The following RP1L1 variants were observed in gnomAD, a reference collection of about 807,000 sequenced individuals.
RP1L1 encodes RP1 like 1.
A neutral mutation model predicts 15.7 loss-of-function variants in RP1L1; 27 were observed. The observed-to-expected ratio is 1.72, with a 90% confidence interval of 1.27 to 2.38. RP1L1 has a LOEUF of 2.38. RP1L1 is among the 30% of genes most tolerant of loss of function. The pLI is 0.00. For missense variants in RP1L1, 4,798 were observed against 3,075.9 expected, an observed-to-expected ratio of 1.56 and a Z score of -13.24; for synonymous variants, 1,813 against 1,276.7, an observed-to-expected ratio of 1.42 and a Z score of -8.96.
intron 2 of RP1L1, among the ~76,000 whole-genome samples, chr8:10,620,835 G>C (rs1482673486): frequency 9.2e-5 from 14 of 152,160 alleles, no homozygotes; most frequent in Admixed American, 8.5e-4. Context: ...TCATGTCCAG[G>C]GATAAACATG....
rs377274495 is a variant in RP1L1, at chr8:10,612,825, T to G, written c.1273A>C (p.Arg425=). The G allele has an allele frequency of 1.1e-4, 177 of 1,612,180 alleles. 4 individuals carry two copies. In the African/African-American group the frequency reaches 1.8e-3, roughly 17 times the overall value. The change falls in exon 4 of 4, where the codon AGG becomes CGG. Residue 425 remains arginine, a synonymous_variant. Coordinates refer to ENST00000382483, the MANE Select transcript of RP1L1 (RefSeq NM_178857.6). ...CGGACGTGCTGGGCCAGTCCCCACC[T>G]CTTCCGAGCTGCCACTCTCTCTCCC... is the stretch of plus-strand genomic sequence containing the variant. ...SQGERVAARK[R]WGLAQHVRCS...
chr8:10,610,050 G>T lies in RP1L1; in HGVS notation c.4048C>A (p.Gln1350Lys). The T allele has an allele frequency of 1.6e-6, 2 of 1,275,152 alleles. No individual in the cohort carries two copies. Among genetic ancestry groups the T allele is most frequent in the Non-Finnish European group, 1.0e-6 (1 of 997,888 alleles). 79.0% of individuals were successfully genotyped at this position (1,275,152 alleles called of 1,614,324 possible). A position where few individuals can be genotyped will look rare whatever the true frequency, so the allele number is the denominator to read the frequency against. ...ETKETEGEGQ[Q>K]EEEAQLEEIE... ...TCCTCTAACTGCGCCTCTTCTTCTT[G>T]CTGTCCTTCTCCTTCTGTTTCTTTA... The change falls in exon 4 of 4, where the codon CAA becomes AAA. Residue 1350 changes from glutamine (Q) to lysine (K), a missense_variant. Coordinates refer to ENST00000382483, the MANE Select transcript of RP1L1 (RefSeq NM_178857.6).
rs1296572078 is a variant in RP1L1, at chr8:10,611,200, T to C, written c.2898A>G (p.Glu966=). Residue 966 remains glutamate, a synonymous_variant, in exon 4 of 4, where the codon GAA becomes GAG. Coordinates refer to ENST00000382483, the MANE Select transcript of RP1L1 (RefSeq NM_178857.6). The stretch of plus-strand genomic sequence containing the variant: ...ACTCATATGTCATGAGTATGGGCTC[T>C]TCTGGAATGTTGTCCAGCCATTCGC... ...VVREWLDNIP[E]EPILMTYELA... 6.2e-7 allele frequency: 1 copy of C among 1,612,968 alleles called. No homozygotes were observed.
intron 1 of RP1L1, among the ~76,000 whole-genome samples, chr8:10,633,133 C>T (rs1798277260): frequency 6.6e-6 from 1 of 152,212 alleles, no homozygotes; most frequent in Non-Finnish European, 1.5e-5. Flanking sequence ...GCATCTGTGG[C>T]TGGAGGGATG....
At chr8:10,617,647 C>T (rs1387170304) in intron 2 of RP1L1, among the ~76,000 whole-genome samples, 2 of 148,922 alleles carry the variant, frequency 1.3e-5, no homozygotes, top group Non-Finnish European at 3.0e-5. Flanking sequence ...AGCTCTGCCT[C>T]CCGGGTTCAT....
At position 10,623,108 on chromosome 8, in the gene RP1L1, G is replaced by A. The variant is rs777946442; in HGVS notation, c.94C>T (p.Pro32Ser). The change falls in exon 2 of 4, where the codon CCA becomes TCA. Residue 32 changes from proline to serine, a missense_variant. Coordinates refer to ENST00000382483, the MANE Select transcript of RP1L1 (RefSeq NM_178857.6). ...ARTPSVTKVT[P>S]AKKITFLKRG... ...TTGAGGAAGGTGATCTTCTTGGCTG[G>A]CGTGACCTTGGTGACCGAGGGGGTG... 4 of 1,613,424 alleles carry A rather than the reference G, an allele frequency of 2.5e-6. No individual in the cohort carries two copies. The highest frequency in any genetic ancestry group is 4.5e-5 in the East Asian group (2 of 44,874).
At chr8:10,646,838 A>G (rs1387989954) in intron 1 of RP1L1, among the ~76,000 whole-genome samples, 2 of 152,254 alleles carry the variant, frequency 1.3e-5, no homozygotes, top group Non-Finnish European at 2.9e-5. Flanking sequence ...TGAAGATCAC[A>G]GTGAAGATTA....
intron 1 of RP1L1, among the ~76,000 whole-genome samples, chr8:10,639,067 C>G (rs1226575889): frequency 6.6e-6 from 1 of 151,882 alleles, no homozygotes; most frequent in African/African-American, 2.4e-5. Context: ...ATCACTTGAA[C>G]CTGGGAGGCA....
Position 10,611,256 on chromosome 8 carries a change from G to T in RP1L1, c.2842C>A (p.Leu948Met). 6.2e-7 allele frequency: 1 copy of T among 1,613,018 alleles called. No individual in the cohort carries two copies. Among genetic ancestry groups the T allele is most frequent in the Non-Finnish European group, 8.5e-7 (1 of 1,180,018 alleles). Residue 948 changes from leucine to methionine, a missense_variant, in exon 4 of 4, where the codon CTG becomes ATG. Coordinates refer to ENST00000382483, the MANE Select transcript of RP1L1 (RefSeq NM_178857.6). ...EEASGVSPSS[L>M]PRSSPEAVVR... ...ACAGCCTCTGGAGACGAGCGGGGCA[G>T]AGAGCTGGGTGACACACCACTGGCC...
chr8:10,609,111 C>A lies in RP1L1; in HGVS notation c.4987G>T (p.Val1663Leu), dbSNP rs201791592. ...GACATAGGGCTCACTTTCTTCCTCA[C>A]GCAGGCCTCGCAGGGACAGAACTCC... ...GEEFCPCEAC[V>L]RKKVSPMSPK... Residue 1663 changes from valine to leucine, a missense_variant, in exon 4 of 4, where the codon GTG (valine) becomes TTG (leucine). Val to Leu is a conservative substitution (Grantham distance 32, BLOSUM62 1). Transcript: ENST00000382483. 5.6e-6 allele frequency: 9 copies of A among 1,613,542 alleles called. No homozygotes were observed. The highest frequency in any genetic ancestry group is 7.6e-6 in the Non-Finnish European group (9 of 1,179,600).
Position 10,608,175 on chromosome 8 carries a change from C to T in RP1L1, c.5923G>A (p.Glu1975Lys). The T allele has an allele frequency of 6.2e-7, 1 of 1,612,820 alleles. No homozygotes were observed. The highest frequency in any genetic ancestry group is 8.5e-7 in the Non-Finnish European group (1 of 1,179,792). ...EAEEEAQPES[E>K]DVEALEVEVE... ...TCAACCTCCAGGGCCTCTACATCTT[C>T]TGACTCTGGCTGGGCTTCCTCTTCT... Residue 1975 changes from glutamate (E) to lysine (K), a missense_variant, in exon 4 of 4, where the codon GAA becomes AAA. Transcript: ENST00000382483.
chr8:10,628,978 C>G (rs547578409), intron 1 of RP1L1, among the ~76,000 whole-genome samples: 30 of 152,366 alleles, frequency 2.0e-4, no homozygotes, highest in African/African-American at 7.0e-4. Context: ...CTCGTCAGAG[C>G]TCCCTTGAAG....
At chr8:10,631,364 CACACAT>C (rs1315770670) in intron 1 of RP1L1, among the ~76,000 whole-genome samples, 2 of 58,270 alleles carry the variant, frequency 3.4e-5, no homozygotes, top group African/African-American at 1.3e-4. Context: ...TGCACACAAA[CACACAT>C]GCACACAAAC....
Position 10,610,108 on chromosome 8 carries a change from C to A in RP1L1, c.3990G>T (p.Gly1330=), listed in dbSNP as rs1276065041. The change falls in exon 4 of 4, where the codon GGG becomes GGT. Residue 1330 remains glycine, a synonymous_variant. Transcript: ENST00000382483. ...CTAACTGCACCCCCTCTTCTTGCAGCCCTTCTTCTGTTTTAGTTTCCTCTA... is the reference window on the plus strand; with the variant it reads ...CTAACTGCACCCCCTCTTCTTGCAGACCTTCTTCTGTTTTAGTTTCCTCTA... ...VQLEETKTEE[G]LQEEGVQLEE... is the part of the protein sequence containing the mutation. The A allele has an allele frequency of 1.8e-5, 27 of 1,474,408 alleles. 2 individuals are homozygous for A. Among genetic ancestry groups the A allele is most frequent in the East Asian group, 6.2e-5 (2 of 32,320 alleles). 91.3% of individuals were successfully genotyped at this position (1,474,408 alleles called of 1,614,324 possible). A position where few individuals can be genotyped will look rare whatever the true frequency, so the allele number is the denominator to read the frequency against.
chr8:10,654,540 AG>A (rs1414698038), intron 1 of RP1L1, among the ~76,000 whole-genome samples: 17 of 151,998 alleles, frequency 1.1e-4, no homozygotes, highest in African/African-American at 3.6e-4. Context: ...CCTCTCCAAG[AG>A]CCCCAAGAAA....
At chr8:10,647,146 C>T (rs1365884396) in intron 1 of RP1L1, among the ~76,000 whole-genome samples, 6 of 152,288 alleles carry the variant, frequency 3.9e-5, no homozygotes, top group African/African-American at 7.2e-5. Context: ...TGAGGCGCCA[C>T]GGCAGCCCAG....
chr8:10,616,540 ACACACCAG>A lies in RP1L1; in HGVS notation c.649_656del (p.Leu217CysfsTer4). ...GGGTTCTGAAGGCCTCATGCCCGGC[ACACACCAG>A]CACAGAGGGGCTGTGCAGCAGGGCC... On this transcript the variant is annotated frameshift_variant, in exon 3 of 4. Coordinates refer to ENST00000382483, the MANE Select transcript of RP1L1 (RefSeq NM_178857.6). LOFTEE classifies it high-confidence loss of function. 6.2e-7 allele frequency: 1 copy of A among 1,614,064 alleles called. No individual in the cohort carries two copies. The highest frequency in any genetic ancestry group is 8.5e-7 in the Non-Finnish European group (1 of 1,180,030).
chr8:10,610,766 A>G lies in RP1L1; in HGVS notation c.3332T>C (p.Leu1111Pro). 4.3e-6 allele frequency: 7 copies of G among 1,613,310 alleles called. No individual in the cohort carries two copies. The highest frequency in any genetic ancestry group is 5.9e-6 in the Non-Finnish European group (7 of 1,179,990). The change falls in exon 4 of 4, where the codon CTC becomes CCC. Residue 1111 changes from leucine to proline, a missense_variant. By Grantham distance (98) the Leu-to-Pro change is moderately conservative. Coordinates refer to ENST00000382483, the MANE Select transcript of RP1L1 (RefSeq NM_178857.6). Reference sequence around the variant, plus strand: ...AATGAGGGCCCCGGCTGAGCAGCTGAGCCTCCTGGCCATGGGCCTAGACAC... The same window carrying G: ...AATGAGGGCCCCGGCTGAGCAGCTGGGCCTCCTGGCCATGGGCCTAGACAC... ...PEVSRPMARR[L>P]SCSAGALITC...
At chr8:10,615,880 A>G (rs28361533) in intron 3 of RP1L1, among the ~76,000 whole-genome samples, 9,045 of 152,058 alleles carry the variant, frequency 0.059, 367 homozygotes, top group African/African-American at 0.11. Flanking sequence ...GAAACTTTAA[A>G]TTCAAGATCT....
Sources: gnomAD v4.1 joint callset for allele counts (sites outside exome capture counted in the v4.1 genomes callset) on GRCh38, gnomAD v4.1.1 for gene constraint, MANE v1.5 for transcripts, NCBI Gene and HGNC (gene_info 2026-07-23, HGNC 2026-07-21) for gene names.